The following PCDHGA2 variants were observed in gnomAD, a reference collection of about 807,000 sequenced individuals.
The protein encoded by PCDHGA2 is protocadherin gamma subfamily A, 2.
In PCDHGA2, 40 loss-of-function variants were observed where a neutral mutation model predicts 59.2. That is an observed-to-expected ratio of 0.68 (90% confidence interval 0.52 to 0.88). PCDHGA2 has a LOEUF of 0.88. Among genes scored for constraint, PCDHGA2 ranks in the 40% least tolerant of loss-of-function variants. The pLI, the probability that PCDHGA2 is intolerant of heterozygous loss-of-function variation, is 0.00. For missense variants in PCDHGA2, 1,226 were observed against 1,204.0 expected, an observed-to-expected ratio of 1.02 and a Z score of -0.27; for synonymous variants, 560 against 526.0, an observed-to-expected ratio of 1.06 and a Z score of -0.89.
intron 1 of PCDHGA2, chr5:141,430,452 A>G (rs566189732): frequency 2.0e-3 from 408 of 202,442 alleles, no homozygotes; most frequent in South Asian, 3.8e-3. Context: ...CCTTTTGAAG[A>G]ACAGTAGGTG....
At position 141,494,833 on chromosome 5, in the gene PCDHGA2, T is replaced by C. The variant is rs537340090; in HGVS notation, c.2451T>C (p.Arg817=). 1 of 1,614,094 alleles carries C rather than the reference T, an allele frequency of 6.2e-7. No homozygotes were observed. The highest frequency in any genetic ancestry group is 1.7e-5 in the Admixed American group (1 of 60,014). Residue 817 remains arginine, a synonymous_variant, in exon 2 of 4, where the codon CGT becomes CGC. Coordinates refer to ENST00000394576, the MANE Select transcript of PCDHGA2 (RefSeq NM_018915.4). ...SQQAPPNTDW[R]FSQAQRPGTS... Reference sequence around the variant, plus strand: ...AAGCCCCGCCCAACACGGACTGGCGTTTCTCTCAGGCCCAGAGACCCGGCA... The same window carrying C: ...AAGCCCCGCCCAACACGGACTGGCGCTTCTCTCAGGCCCAGAGACCCGGCA...
At chr5:141,382,364 T>A (rs919179170) in intron 1 of PCDHGA2, among the ~76,000 whole-genome samples, 6 of 152,264 alleles carry the variant, frequency 3.9e-5, no homozygotes, top group African/African-American at 1.4e-4. Flanking sequence ...AAATAAAATT[T>A]ACCTTTTTGC....
At chr5:141,383,193 G>C (rs911488617) in intron 1 of PCDHGA2, 1 of 1,614,066 alleles carries the variant, frequency 6.2e-7, no homozygotes, top group Non-Finnish European at 8.5e-7. Context: ...TCTGCGCTCA[G>C]AGTGCGCGGT....
intron 1 of PCDHGA2, chr5:141,345,089 C>T (rs780908329): frequency 1.9e-6 from 3 of 1,613,968 alleles, no homozygotes; most frequent in Admixed American, 3.3e-5. Context: ...TCACGTCTCT[C>T]ACAAGCTCAG....
In PCDHGA2 at chr5:141,360,298, G is replaced by A. The variant is rs368468229; in HGVS notation, c.2424+18903G>A. On this transcript the variant is annotated intron_variant, in intron 1 of 3. Transcript: ENST00000394576. Reference sequence around the variant, plus strand: ...CGTAGGAAACCTCGCCAAGGATCTGGGGCTCAGCGTCCGGGACTTGCCAGC... The same window carrying A: ...CGTAGGAAACCTCGCCAAGGATCTGAGGCTCAGCGTCCGGGACTTGCCAGC... 268 of 1,613,990 alleles carry A rather than the reference G, an allele frequency of 1.7e-4. No individual in the cohort carries two copies. The highest frequency in any genetic ancestry group is 2.2e-4 in the Non-Finnish European group (260 of 1,179,896).
rs758579068 is a variant in PCDHGA2, at chr5:141,485,232, T to C, written c.2425-9575T>C. 6.2e-7 allele frequency: 1 copy of C among 1,614,136 alleles called. No individual in the cohort carries two copies. The highest frequency in any genetic ancestry group is 8.5e-7 in the Non-Finnish European group (1 of 1,180,016). Reference sequence around the variant, plus strand: ...TGGCGGTGGGCTACCCTTTTGTTCCTCTTTTACCACCTGGGTTACGTTTGT... The same window carrying C: ...TGGCGGTGGGCTACCCTTTTGTTCCCCTTTTACCACCTGGGTTACGTTTGT... On this transcript the variant is annotated intron_variant, in intron 1 of 3. Coordinates refer to ENST00000394576, the MANE Select transcript of PCDHGA2 (RefSeq NM_018915.4). This position sits in a 1 kb window ranked among gnomAD's most constrained non-coding sequence, Gnocchi z 5.7.
intron 1 of PCDHGA2, chr5:141,382,604 A>G (rs746848430): frequency 2.6e-5 from 7 of 268,716 alleles, no homozygotes; most frequent in Non-Finnish European, 3.5e-5. Flanking sequence ...ACAATTTTCT[A>G]TGAAATCAGT....
At chr5:141,355,077 C>A in intron 1 of PCDHGA2, 1 of 1,404,060 alleles carries the variant, frequency 7.1e-7, no homozygotes, top group Non-Finnish European at 9.5e-7. Flanking sequence ...ATGAAAGCTT[C>A]AAGCGGAAGC....
At chr5:141,442,452 CA>C (rs2098325918) in intron 1 of PCDHGA2, 1 of 152,226 alleles carries the variant, frequency 6.6e-6, no homozygotes, top group Admixed American at 6.5e-5. Flanking sequence ...GACTCAATAG[CA>C]GTTTCACTGC....
At chr5:141,341,953 T>C (rs1757101484) in intron 1 of PCDHGA2, 1 of 157,312 alleles carries the variant, frequency 6.4e-6, no homozygotes, top group Non-Finnish European at 1.4e-5. Context: ...AATTTAGAAA[T>C]ATACATTCCT....
At chr5:141,419,723 C>A in intron 1 of PCDHGA2, 6 of 1,613,292 alleles carry the variant, frequency 3.7e-6, no homozygotes, top group Non-Finnish European at 5.1e-6. Flanking sequence ...CCTGGGGCTG[C>A]GAACAGGCGA....
intron 1 of PCDHGA2, chr5:141,356,530 G>A: frequency 1.2e-6 from 2 of 1,613,812 alleles, no homozygotes; most frequent in Non-Finnish European, 1.7e-6. Flanking sequence ...GCAAGTGATG[G>A]ACATCAATGA....
At chr5:141,365,601 T>G in intron 1 of PCDHGA2, 1 of 1,613,644 alleles carries the variant, frequency 6.2e-7, no homozygotes, top group Non-Finnish European at 8.5e-7. Flanking sequence ...ACTTTAACCG[T>G]CATGGACCAT....
chr5:141,456,098 C>T (rs1222639126), intron 1 of PCDHGA2, among the ~76,000 whole-genome samples: 2 of 151,980 alleles, frequency 1.3e-5, no homozygotes, highest in Non-Finnish European at 2.9e-5. Flanking sequence ...GGGATTTCAC[C>T]GTGTTAGCCA....
intron 1 of PCDHGA2, chr5:141,478,730 G>A: frequency 6.5e-7 from 1 of 1,538,906 alleles, no homozygotes; most frequent in South Asian, 1.2e-5. Flanking sequence ...GCCAGAGTGT[G>A]GTTTGTGGTC....
Position 141,450,830 on chromosome 5 carries a change from T to TTA in PCDHGA2, c.2425-43976_2425-43975insAT, listed in dbSNP as rs200967731. 4.3e-3 allele frequency among the ~76,000 whole-genome samples: 438 copies of TTA among 101,540 alleles called. 3 individuals carry two copies. Among genetic ancestry groups the TTA allele is most frequent in the African/African-American group, 0.015 (349 of 23,046 alleles). 66.6% of individuals were successfully genotyped at this position (101,540 alleles called of 152,430 possible). ...TATTTATTTAATATTATTATTATTA[T>TTA]TTTTTTTTTTTTGAGATGGGGTCTT... On this transcript the variant is annotated intron_variant, in intron 1 of 3. Transcript: ENST00000394576.
chr5:141,343,376 AG>A, intron 1 of PCDHGA2: 1 of 982,238 alleles, frequency 1.0e-6, no homozygotes, highest in Non-Finnish European at 1.2e-6. Flanking sequence ...AGAGAGGGAA[AG>A]GTCAAAGAGG....
chr5:141,469,565 C>T (rs1410607165), intron 1 of PCDHGA2, among the ~76,000 whole-genome samples: 1 of 152,082 alleles, frequency 6.6e-6, no homozygotes, highest in East Asian at 1.9e-4. Context: ...CAGAGTGAGA[C>T]TCTGTCTCTA....
At chr5:141,482,956 CCAGCTACTTGAG>C (rs6149271) in intron 1 of PCDHGA2, among the ~76,000 whole-genome samples, 62,216 of 151,640 alleles carry the variant, frequency 0.41, 15,336 homozygotes, top group African/African-American at 0.7. Context: ...GCCTGTAATT[CCAGCTACTTGAG>C]CAGCTACTTG....
Sources: gnomAD v4.1 joint callset for allele counts (sites outside exome capture counted in the v4.1 genomes callset) on GRCh38, gnomAD v4.1.1 for gene constraint, Gnocchi (gnomAD v3.1) non-coding constraint, MANE v1.5 for transcripts, NCBI Gene and HGNC (gene_info 2026-07-23, HGNC 2026-07-21) for gene names.